PCDHGA4: variants seen among roughly 807,000 people sequenced by gnomAD.
The protein encoded by PCDHGA4 is protocadherin gamma-A4.
A neutral mutation model predicts 54.6 loss-of-function variants in PCDHGA4; 38 were observed. The ratio of observed to expected loss-of-function variants is 0.70; its 90% CI spans 0.54 to 0.91. PCDHGA4 has a LOEUF of 0.91. Among genes scored for constraint, PCDHGA4 ranks in the 40% least tolerant of loss-of-function variants. The probability of loss-of-function intolerance (pLI) is 0.00; values close to 1 mark genes in which losing one functional copy is unlikely to be tolerated. For missense variants in PCDHGA4, 1,298 were observed against 1,220.9 expected, an observed-to-expected ratio of 1.06 and a Z score of -0.94; for synonymous variants, 511 against 512.9, an observed-to-expected ratio of 1.00 and a Z score of 0.05.
chr5:141,474,685 T>G (rs1562045980), intron 1 of PCDHGA4, among the ~76,000 whole-genome samples: 1 of 152,224 alleles, frequency 6.6e-6, no homozygotes, highest in Non-Finnish European at 1.5e-5. Flanking sequence ...GCCTACCCCT[T>G]CACTTATGTT....
At chr5:141,475,090 A>G (rs991061660) in intron 1 of PCDHGA4, among the ~76,000 whole-genome samples, 1 of 152,264 alleles carries the variant, frequency 6.6e-6, no homozygotes, top group African/African-American at 2.4e-5. Flanking sequence ...CAATAATTTT[A>G]TAAAGATCCT....
In PCDHGA4 at chr5:141,381,826, C is replaced by CTTCTTTTTTTTTTT. The variant is rs1777532522; in HGVS notation, c.2514+24207_2514+24208insCTTTTTTTTTTTTT. On this transcript the variant is annotated intron_variant, in intron 1 of 3. Transcript: ENST00000571252. ...TTTCTTTCTTTCTTTCTTTCTTCTT[C>CTTCTTTTTTTTTTT]TTTTTTTTTTTTTTTTTTTTTTGGC... Among the ~76,000 whole-genome samples the CTTCTTTTTTTTTTT allele has an allele frequency of 5.4e-5, 4 of 74,282 alleles. 1 individual carries two copies. Among genetic ancestry groups the CTTCTTTTTTTTTTT allele is most frequent in the African/African-American group, 2.5e-4 (4 of 16,176 alleles). The allele number at this position is 74,282 out of a possible 152,430, so 48.7% of individuals were successfully genotyped here.
chr5:141,407,338 A>G (rs1016766073), intron 1 of PCDHGA4, among the ~76,000 whole-genome samples: 33 of 152,208 alleles, frequency 2.2e-4, no homozygotes, highest in Non-Finnish European at 1.8e-4. Context: ...ATTGAAATGT[A>G]TGTTAATTTG....
chr5:141,423,610 G>GT, intron 1 of PCDHGA4: 1 of 1,611,424 alleles, frequency 6.2e-7, no homozygotes, highest in African/African-American at 1.3e-5. Context: ...ACTCTTGATA[G>GT]CTGAAGACTC....
intron 1 of PCDHGA4, among the ~76,000 whole-genome samples, chr5:141,463,518 G>T (rs537466389): frequency 7.2e-6 from 1 of 139,068 alleles, no homozygotes; most frequent in African/African-American, 2.8e-5. Context: ...GCGTGATCTC[G>T]GCTTACTAGA....
rs1453419469 is a variant in PCDHGA4, at chr5:141,505,501, G to A, written c.2662+20G>A. On this transcript the variant is annotated intron_variant, in intron 3 of 3. Transcript: ENST00000571252. ...CCAGTGGTAAGTGGTGTCAGTGTGT[G>A]TATGGAAGAGTGGGAGACCTGGGGT... The A allele has an allele frequency of 1.2e-6, 2 of 1,614,156 alleles. No homozygotes were observed. Among genetic ancestry groups the A allele is most frequent in the Non-Finnish European group, 1.7e-6 (2 of 1,179,970 alleles).
rs1262043820 is a variant in PCDHGA4, at chr5:141,415,755, T to TTG, written c.2514+58135_2514+58136insGT. Reference sequence around the variant, plus strand: ...GTTTATTAAGGTTTTTTTTTTTTTTTTTTTTTTTTTTTTTTTTACTTTCTG... The same window carrying TTG: ...GTTTATTAAGGTTTTTTTTTTTTTTTTGTTTTTTTTTTTTTTTTTACTTTCTG... On this transcript the variant is annotated intron_variant, in intron 1 of 3. Transcript: ENST00000571252. 56 of 1,387,630 alleles carry TTG rather than the reference T, an allele frequency of 4.0e-5. No individual in the cohort carries two copies. The African/African-American group carries it at 7.5e-4, about 19-fold the overall frequency. The allele number at this position is 1,387,630 out of a possible 1,614,324, so 86.0% of individuals were successfully genotyped here. A position where few individuals can be genotyped will look rare whatever the true frequency, so the allele number is the denominator to read the frequency against.
chr5:141,475,731 C>T (rs991175739), intron 1 of PCDHGA4, among the ~76,000 whole-genome samples: 1 of 152,248 alleles, frequency 6.6e-6, no homozygotes, highest in African/African-American at 2.4e-5. Context: ...GGCTGGCTTT[C>T]CCTAAGGTAG....
chr5:141,375,656 T>C (rs891549331), intron 1 of PCDHGA4: 2 of 1,614,080 alleles, frequency 1.2e-6, no homozygotes, highest in Non-Finnish European at 1.7e-6. Flanking sequence ...CTATGAGCAG[T>C]TGAGAGACCT....
At chr5:141,454,428 CAG>C (rs1412897540) in intron 1 of PCDHGA4, among the ~76,000 whole-genome samples, 1 of 152,172 alleles carries the variant, frequency 6.6e-6, no homozygotes, top group Admixed American at 6.5e-5. Flanking sequence ...TATTTAGAGA[CAG>C]AGTTTCACTC....
chr5:141,478,137 G>A (rs762316494), intron 1 of PCDHGA4: 13 of 1,613,872 alleles, frequency 8.1e-6, no homozygotes, highest in African/African-American at 8.0e-5. Context: ...CCTGAAGCCC[G>A]AGCCGAGTTC....
chr5:141,422,431 T>G, intron 1 of PCDHGA4: 1 of 1,608,846 alleles, frequency 6.2e-7, no homozygotes, highest in Non-Finnish European at 8.5e-7. Flanking sequence ...TTATGGAAAT[T>G]ATTACAAATT....
rs1333951046 is a variant in PCDHGA4, at chr5:141,485,847, C to T, written c.2515-8960C>T. 10 of 1,614,092 alleles carry T rather than the reference C, an allele frequency of 6.2e-6. No individual in the cohort carries two copies. In the African/African-American group the frequency reaches 8.0e-5, roughly 13 times the overall value. On this transcript the variant is annotated intron_variant, in intron 1 of 3. Transcript: ENST00000571252. This position sits in a 1 kb window ranked among gnomAD's most constrained non-coding sequence, Gnocchi z 5.7. ...GGAGGGAACCCGCCGAGATCTGGCA[C>T]CGCAGAGCTCCGGGTATCCGTGCTG...
intron 1 of PCDHGA4, among the ~76,000 whole-genome samples, chr5:141,380,688 T>C (rs1176696155): frequency 6.6e-6 from 1 of 152,260 alleles, no homozygotes; most frequent in Non-Finnish European, 1.5e-5. Flanking sequence ...TGCTTTGTGT[T>C]CGGAGTAGTC....
In PCDHGA4 at chr5:141,357,567, G is replaced by A. The variant is rs751974557; in HGVS notation, c.2460G>A (p.Glu820=). 5 of 1,614,096 alleles carry A rather than the reference G, an allele frequency of 3.1e-6. No individual in the cohort carries two copies. The highest frequency in any genetic ancestry group is 2.7e-5 in the African/African-American group (2 of 74,928). The change falls in exon 1 of 4, where the codon GAG becomes GAA. Residue 820 remains glutamate, a synonymous_variant. Coordinates refer to ENST00000571252, the MANE Select transcript of PCDHGA4 (RefSeq NM_018917.4). ...GCCGGGAGAGTTGTGAGAAAAGCGA[G>A]CCTCTTCTGATAACTCAGGATTTAC... ...LISRESCEKS[E]PLLITQDLLE...
chr5:141,372,932 G>A (rs3806834), intron 1 of PCDHGA4: 35,987 of 882,390 alleles, frequency 0.041, 1,563 homozygotes, highest in Admixed American at 0.21. Flanking sequence ...TTCTGGTGTA[G>A]AGTAGGGTGT....
intron 1 of PCDHGA4, among the ~76,000 whole-genome samples, chr5:141,457,278 C>T (rs1446074161): frequency 6.6e-6 from 1 of 152,196 alleles, no homozygotes; most frequent in Non-Finnish European, 1.5e-5. Flanking sequence ...TGTGGGCCTA[C>T]GAAGTTCCTT....
At chr5:141,373,886 A>G in intron 1 of PCDHGA4, 1 of 500,972 alleles carries the variant, frequency 2.0e-6, no homozygotes, top group Non-Finnish European at 3.4e-6. Context: ...AATCAACGGA[A>G]ACTCAAGTTA....
Position 141,485,164 on chromosome 5 carries a change from G to A in PCDHGA4, c.2515-9643G>A, listed in dbSNP as rs2099608516. 2 of 1,605,832 alleles carry A rather than the reference G, an allele frequency of 1.2e-6. No homozygotes were observed. Among genetic ancestry groups the A allele is most frequent in the Admixed American group, 1.7e-5 (1 of 59,836 alleles). On this transcript the variant is annotated intron_variant, in intron 1 of 3. Coordinates refer to ENST00000571252, the MANE Select transcript of PCDHGA4 (RefSeq NM_018917.4). This position sits in a 1 kb window ranked among gnomAD's most constrained non-coding sequence, Gnocchi z 5.7. ...CTCAGGAGCAAGTAGAGAATTAGCG[G>A]GCGGCAGCAATGCTCCGCAAGGTGA...
Sources: gnomAD v4.1 joint callset for allele counts (sites outside exome capture counted in the v4.1 genomes callset) on GRCh38, gnomAD v4.1.1 for gene constraint, Gnocchi (gnomAD v3.1) non-coding constraint, MANE v1.5 for transcripts, NCBI Gene and HGNC (gene_info 2026-07-23, HGNC 2026-07-21) for gene names.